Variants in RASSF6 observed in about 807,000 individuals in gnomAD.
The protein encoded by RASSF6 is ras association domain-containing protein 6.
In RASSF6, 52 loss-of-function variants were observed where a neutral mutation model predicts 44.0. That is an observed-to-expected ratio of 1.18 (90% CI 0.95 to 1.49). RASSF6 has a LOEUF of 1.49. Ranked by LOEUF, RASSF6 falls within the 40% of genes most tolerant of loss-of-function variation. RASSF6 has a pLI of 0.00. For missense variants in RASSF6, 464 were observed against 393.3 expected (o/e 1.18, Z -1.52); for synonymous variants, 162 against 124.6 (o/e 1.30, Z -2.00).
chr4:73,601,926 C>T (rs780660698), intron 2 of RASSF6, among the ~76,000 whole-genome samples: 4 of 152,170 alleles, frequency 2.6e-5, no homozygotes, highest in Non-Finnish European at 4.4e-5. Flanking sequence ...TGTGTGAGCA[C>T]AGTCAAGAGG....
chr4:73,596,729 T>C (rs1250362975), intron 3 of RASSF6, among the ~76,000 whole-genome samples: 1 of 152,064 alleles, frequency 6.6e-6, no homozygotes. Context: ...ACTATACTAC[T>C]GGGCTACAGT....
intron 6 of RASSF6, among the ~76,000 whole-genome samples, chr4:73,582,599 A>T (rs16849628): frequency 0.28 from 42,398 of 151,896 alleles, 6,156 homozygotes; most frequent in Admixed American, 0.41. Flanking sequence ...ATGTCACCAG[A>T]TGCATATTTA....
rs114346207 is a variant in RASSF6, at chr4:73,585,173, C to G, written c.567+7G>C. 6.3e-4 allele frequency: 994 copies of G among 1,572,148 alleles called. 3 individuals carry two copies. In the African/African-American group the frequency reaches 0.012, roughly 19 times the overall value. On this transcript the variant is annotated splice_region_variant and intron_variant, in intron 6 of 10. Transcript: ENST00000307439. ...ATATTACATTAATGGAATTGTAACT[C>G]ACTTACTTCATGGTTATAGAAGTGT...
At chr4:73,592,757 G>C (rs1299581665) in intron 4 of RASSF6, among the ~76,000 whole-genome samples, 1 of 152,180 alleles carries the variant, frequency 6.6e-6, no homozygotes, top group East Asian at 1.9e-4. Context: ...AAGGAAAGAA[G>C]ACATTTAGAT....
At chr4:73,580,687 A>G (rs1480449128) in intron 8 of RASSF6, among the ~76,000 whole-genome samples, 1 of 147,816 alleles carries the variant, frequency 6.8e-6, no homozygotes, top group Admixed American at 6.7e-5. Context: ...AGAAGTGTCT[A>G]TTCATGTCCT....
intron 10 of RASSF6, 21 bp from the exon 11 acceptor site, chr4:73,576,331 G>T (rs1310125657): frequency 6.6e-7 from 1 of 1,511,490 alleles, no homozygotes; most frequent in South Asian, 1.2e-5. Context: ...GAAGAAGAAA[G>T]ACTATTAAAA....
chr4:73,576,398 C>T lies in RASSF6; in HGVS notation c.938+12G>A. 6.6e-7 allele frequency: 1 copy of T among 1,519,572 alleles called. No individual in the cohort carries two copies. Among genetic ancestry groups the T allele is most frequent in the Non-Finnish European group, 9.0e-7 (1 of 1,106,212 alleles). The allele number at this position is 1,519,572 out of a possible 1,614,324, so 94.1% of individuals were successfully genotyped here. A position where few individuals can be genotyped will look rare whatever the true frequency, so the allele number is the denominator to read the frequency against. ...AAGAACGGAGTATCCAATGTGCATG[C>T]TCTTGACTTACTTTGTTACTATTCT... On this transcript the variant is annotated intron_variant, in intron 10 of 10. Transcript: ENST00000307439.
chr4:73,577,308 G>A (rs2149361708), intron 8 of RASSF6, among the ~76,000 whole-genome samples: 1 of 152,142 alleles, frequency 6.6e-6, no homozygotes, highest in African/African-American at 2.4e-5. Flanking sequence ...TTCCAATCTG[G>A]TGTGTTTCCA....
chr4:73,593,406 T>TGAA, intron 4 of RASSF6, 45 bp downstream of exon 4: 1 of 1,562,988 alleles, frequency 6.4e-7, no homozygotes, highest in Non-Finnish European at 8.7e-7. Context: ...AAACTAGATA[T>TGAA]GAAGATCATC....
intron 1 of RASSF6, among the ~76,000 whole-genome samples, chr4:73,612,715 T>C (rs1304865907): frequency 2.6e-5 from 4 of 152,180 alleles, no homozygotes; most frequent in Non-Finnish European, 5.9e-5. Context: ...CTAGGTACTT[T>C]GTTACAGTTT....
chr4:73,595,633 A>G (rs549409430), intron 3 of RASSF6, among the ~76,000 whole-genome samples: 1 of 152,314 alleles, frequency 6.6e-6, no homozygotes, highest in Non-Finnish European at 1.5e-5. Flanking sequence ...AATTTTGTGG[A>G]AACTTTTGAA....
At chr4:73,595,421 A>G (rs1312965859) in intron 3 of RASSF6, among the ~76,000 whole-genome samples, 2 of 152,012 alleles carry the variant, frequency 1.3e-5, no homozygotes, top group Non-Finnish European at 2.9e-5. Context: ...CTGGTCTCGA[A>G]CTCCTGATCT....
intron 1 of RASSF6, among the ~76,000 whole-genome samples, chr4:73,619,231 C>G (rs1033720259): frequency 6.6e-6 from 1 of 152,128 alleles, no homozygotes; most frequent in African/African-American, 2.4e-5. Context: ...TTAGGAATAA[C>G]AGATTAATGT....
intron 2 of RASSF6, among the ~76,000 whole-genome samples, chr4:73,608,547 A>G (rs12641279): frequency 0.16 from 24,670 of 152,200 alleles, 2,415 homozygotes; most frequent in Non-Finnish European, 0.22. Context: ...TCAAACATGG[A>G]TAATGTGAAT....
Position 73,596,342 on chromosome 4 carries a change from C to T in RASSF6, c.144+2298G>A, listed in dbSNP as rs1021762000. Among the ~76,000 whole-genome samples, 22 of 152,246 alleles carry T rather than the reference C, an allele frequency of 1.4e-4. No individual in the cohort carries two copies. The South Asian group carries it at 2.3e-3, about 16-fold the overall frequency. On this transcript the variant is annotated intron_variant, in intron 3 of 10. Transcript: ENST00000307439. ...AGTTGCTAGCATTCTTATACACCAA[C>T]AACAATCAAGCCAAGAGCCAAATCC...
intron 1 of RASSF6, among the ~76,000 whole-genome samples, chr4:73,612,347 A>G (rs1381787001): frequency 6.6e-6 from 1 of 152,134 alleles, no homozygotes; most frequent in Non-Finnish European, 1.5e-5. Context: ...GTGTGACCAG[A>G]GATGTAAAGT....
intron 2 of RASSF6, among the ~76,000 whole-genome samples, chr4:73,603,833 A>G (rs575280888): frequency 1.3e-5 from 2 of 152,362 alleles, no homozygotes; most frequent in African/African-American, 2.4e-5. Context: ...GATGTCAAAT[A>G]TTAGTTGTAC....
At chr4:73,578,655 A>G (rs1723403714) in intron 8 of RASSF6, among the ~76,000 whole-genome samples, 1 of 139,750 alleles carries the variant, frequency 7.2e-6, no homozygotes, top group Non-Finnish European at 1.6e-5. Flanking sequence ...TTTTTTTTAG[A>G]CGGAGTGCAA....
At chr4:73,614,455 C>G (rs1454781378) in intron 1 of RASSF6, among the ~76,000 whole-genome samples, 4 of 152,178 alleles carry the variant, frequency 2.6e-5, no homozygotes, top group Admixed American at 2.0e-4. Context: ...GACCCTTCCA[C>G]CATGTCAGAG....
Sources: allele counts gnomAD v4.1 joint callset (sites outside exome capture counted in the v4.1 genomes callset), GRCh38; gene constraint gnomAD v4.1.1; transcripts MANE v1.5; gene names NCBI Gene and HGNC (gene_info 2026-07-23, HGNC 2026-07-21).